PLXNA4: variants seen among roughly 807,000 people sequenced by gnomAD.
The protein encoded by PLXNA4 is plexin-A4.
A neutral mutation model predicts 191.8 loss-of-function variants in PLXNA4; 44 were observed. That is an observed-to-expected ratio of 0.23 (90% CI 0.18 to 0.29). The LOEUF is 0.29. Among genes scored for constraint, PLXNA4 ranks in the 10% least tolerant of loss-of-function variants. PLXNA4 has a pLI of 1.00. For missense variants in PLXNA4, 1,800 were observed against 2,488.8 expected (o/e 0.72, Z 5.89); for synonymous variants, 1,082 against 1,009.5 (o/e 1.07, Z -1.36).
At chr7:132,419,549 G>A (rs1794779630) in intron 3 of PLXNA4, among the ~76,000 whole-genome samples, 1 of 152,156 alleles carries the variant, frequency 6.6e-6, no homozygotes, top group Non-Finnish European at 1.5e-5. Context: ...AATATTTAAG[G>A]AGAAACACAG....
intron 14 of PLXNA4, among the ~76,000 whole-genome samples, chr7:132,189,280 G>A (rs897911465): frequency 6.6e-6 from 1 of 151,980 alleles, no homozygotes; most frequent in Non-Finnish European, 1.5e-5. Flanking sequence ...ATGTTTTAGA[G>A]TTGTGAGAAG....
At chr7:132,523,932 T>C (rs1799293633) in intron 1 of PLXNA4, among the ~76,000 whole-genome samples, 2 of 152,146 alleles carry the variant, frequency 1.3e-5, no homozygotes. Flanking sequence ...TGAGGTTGTC[T>C]AGAGGGCCCA....
intron 3 of PLXNA4, among the ~76,000 whole-genome samples, chr7:132,301,747 G>A (rs868468076): frequency 7.2e-5 from 11 of 152,232 alleles, no homozygotes; most frequent in East Asian, 5.8e-4. Flanking sequence ...GGAGAGAAAC[G>A]TGCATATGAA....
At chr7:132,427,133 A>T (rs1476042950) in intron 3 of PLXNA4, among the ~76,000 whole-genome samples, 1 of 152,234 alleles carries the variant, frequency 6.6e-6, no homozygotes, top group Non-Finnish European at 1.5e-5. Context: ...TGGGTAAGAC[A>T]CTGCAATGCT....
rs1050081522 is a variant in PLXNA4, at chr7:132,159,386, C to T, written c.4660+87G>A. On this transcript the variant is annotated intron_variant, in intron 25 of 31. Coordinates refer to ENST00000321063, the MANE Select transcript of PLXNA4 (RefSeq NM_020911.2). ...AGTGATTATTCCCCTCAGATCTCTA[C>T]CCCAGCCCTGCCTCTGCTGACAGGA... The T allele has an allele frequency of 3.8e-6, 6 of 1,565,080 alleles. No individual in the cohort carries two copies. In the African/African-American group the frequency reaches 6.7e-5, roughly 18 times the overall value.
chr7:132,528,718 A>C (rs2116419307), intron 1 of PLXNA4, among the ~76,000 whole-genome samples: 1 of 152,344 alleles, frequency 6.6e-6, no homozygotes. Context: ...TGCCCATGAG[A>C]GAGGCACCAC....
chr7:132,382,066 G>C (rs1331531927), intron 3 of PLXNA4, among the ~76,000 whole-genome samples: 1 of 152,208 alleles, frequency 6.6e-6, no homozygotes, highest in Admixed American at 6.5e-5. Context: ...AAATACAAGG[G>C]AGAGGGGAGA....
rs76299419 is a variant in PLXNA4, at chr7:132,131,632, G to A, written c.5590-1058C>T. On this transcript the variant is annotated intron_variant, in intron 31 of 31. Transcript: ENST00000321063. ...GCTGGCCAAGAACTGTCATTTGTACGCGCCATCATTTCATAGATGGGTTAT... is the reference window on the plus strand; with the variant it reads ...GCTGGCCAAGAACTGTCATTTGTACACGCCATCATTTCATAGATGGGTTAT... 4.7e-4 allele frequency among the ~76,000 whole-genome samples: 71 copies of A among 152,344 alleles called. 1 individual carries two copies. The East Asian group carries it at 7.5e-3, about 16-fold the overall frequency.
At chr7:132,140,467 G>A in intron 30 of PLXNA4, 132 bp downstream of exon 30, 14 of 1,327,140 alleles carry the variant, frequency 1.1e-5, no homozygotes, top group Non-Finnish European at 1.4e-5. Context: ...GGGTGTTGCA[G>A]TGGCAGGATT....
intron 3 of PLXNA4, among the ~76,000 whole-genome samples, chr7:132,431,755 G>A (rs781021297): frequency 8.5e-5 from 13 of 152,178 alleles, no homozygotes; most frequent in Non-Finnish European, 1.9e-4. Flanking sequence ...TCTGGTCTTG[G>A]CCTCAGCGCT....
chr7:132,640,491 G>C (rs1803720025), intron 2 of PLXNA4, among the ~76,000 whole-genome samples: 1 of 152,126 alleles, frequency 6.6e-6, no homozygotes, highest in Admixed American at 6.5e-5. Flanking sequence ...TAGGAAGAAA[G>C]ACCAGAGCTT....
intron 4 of PLXNA4, among the ~76,000 whole-genome samples, chr7:132,260,056 G>A (rs143375149): frequency 1.2e-3 from 176 of 152,218 alleles, no homozygotes; most frequent in African/African-American, 3.6e-3. Flanking sequence ...ATGCACTATC[G>A]GTGGGAGTGT....
intron 1 of PLXNA4, among the ~76,000 whole-genome samples, chr7:132,535,664 G>A (rs114229236): frequency 2.0e-5 from 3 of 152,064 alleles, no homozygotes; most frequent in East Asian, 1.9e-4. Flanking sequence ...GTGTGACCCC[G>A]AGAGAATAGA....
chr7:132,444,434 T>C (rs1161855782), intron 3 of PLXNA4, among the ~76,000 whole-genome samples: 2 of 152,198 alleles, frequency 1.3e-5, no homozygotes, highest in South Asian at 2.1e-4. Context: ...TTTTTACTCT[T>C]AGTAGAGATG....
At chr7:132,562,929 T>C (rs1380606273) in intron 1 of PLXNA4, among the ~76,000 whole-genome samples, 23 of 16,256 alleles carry the variant, frequency 1.4e-3, no homozygotes, top group Middle Eastern at 0.071. Flanking sequence ...CCTCCTCCTC[T>C]CCCTCCTCCT....
chr7:132,599,428 C>T (rs891572017), intron 2 of PLXNA4, among the ~76,000 whole-genome samples: 1 of 152,156 alleles, frequency 6.6e-6, no homozygotes, highest in African/African-American at 2.4e-5. Context: ...TTAACTTTTT[C>T]TCTGGAAGGA....
intron 3 of PLXNA4, among the ~76,000 whole-genome samples, chr7:132,441,857 G>T (rs1030030388): frequency 1.3e-5 from 2 of 152,202 alleles, no homozygotes; most frequent in Admixed American, 6.5e-5. Flanking sequence ...TGATCCCAAA[G>T]GTAGACTCAG....
intron 2 of PLXNA4, among the ~76,000 whole-genome samples, chr7:132,629,687 T>A (rs2116876912): frequency 6.6e-6 from 1 of 152,336 alleles, no homozygotes; most frequent in South Asian, 2.1e-4. Context: ...AACAGAAATT[T>A]ATTTTCTCAC....
intron 3 of PLXNA4, among the ~76,000 whole-genome samples, chr7:132,486,041 C>T (rs1366265572): frequency 1.3e-5 from 2 of 152,158 alleles, no homozygotes; most frequent in Non-Finnish European, 2.9e-5. Context: ...TCCCCCCAAG[C>T]TCTCTCCTGC....
Sources: gnomAD v4.1 joint callset for allele counts (sites outside exome capture counted in the v4.1 genomes callset) on GRCh38, gnomAD v4.1.1 for gene constraint, MANE v1.5 for transcripts, NCBI Gene and HGNC (gene_info 2026-07-23, HGNC 2026-07-21) for gene names.